The following SZT2 variants were observed in gnomAD, a reference collection of about 807,000 sequenced individuals.
SZT2 encodes KICSTOR complex protein SZT2.
Under a neutral mutation model 404.2 loss-of-function variants are expected in SZT2, and 216 were observed. That is an observed-to-expected ratio of 0.53 (90% confidence interval 0.48 to 0.60). The LOEUF (loss-of-function observed/expected upper bound fraction) is 0.60. SZT2 is among the 20% of genes least tolerant of loss of function. The pLI is 0.00. For missense variants in SZT2, 3,857 were observed against 4,459.2 expected, an observed-to-expected ratio of 0.86 and a Z score of 3.85; for synonymous variants, 1,693 against 1,749.9, an observed-to-expected ratio of 0.97 and a Z score of 0.81.
intron 1 of SZT2, among the ~76,000 whole-genome samples, chr1:43,391,895 A>ATTTTC (rs1648393315): frequency 3.9e-5 from 1 of 25,952 alleles, no homozygotes; most frequent in African/African-American, 1.7e-4. Context: ...TCCTGGCTAA[A>ATTTTC]ACGGTGAAAC....
intron 6 of SZT2, 74 bp downstream of exon 6, chr1:43,416,175 T>C (rs1651699995): frequency 1.9e-6 from 3 of 1,539,306 alleles, no homozygotes; most frequent in Non-Finnish European, 2.6e-6. Context: ...CTAACAAAGA[T>C]AGCAGTTCCA....
chr1:43,450,026 C>A lies in SZT2; in HGVS notation c.10087-77C>A. ...GTGTGGAGATGGAAGTAGGCCTCTCCTCATCCTCCCTTCACCTCAGGATGC... is the reference window on the plus strand; with the variant it reads ...GTGTGGAGATGGAAGTAGGCCTCTCATCATCCTCCCTTCACCTCAGGATGC... On this transcript the variant is annotated intron_variant, in intron 70 of 71. Coordinates refer to ENST00000634258, the MANE Select transcript of SZT2 (RefSeq NM_001365999.1). The surrounding 1 kb of genome is among the most constrained non-coding windows in gnomAD (Gnocchi z 4.3). 1 of 1,572,168 alleles carries A rather than the reference C, an allele frequency of 6.4e-7. No individual in the cohort carries two copies. Among genetic ancestry groups the A allele is most frequent in the Non-Finnish European group, 8.8e-7 (1 of 1,142,310 alleles).
chr1:43,415,651 A>C (rs1410466735), intron 5 of SZT2, among the ~76,000 whole-genome samples: 1 of 152,214 alleles, frequency 6.6e-6, no homozygotes, highest in Non-Finnish European at 1.5e-5. Context: ...ATTGAGGTAT[A>C]AAATATTTCA....
At chr1:43,435,414 G>C (rs1557578941) in intron 42 of SZT2, 85 bp downstream of exon 42, 1 of 1,484,700 alleles carries the variant, frequency 6.7e-7, no homozygotes, top group Non-Finnish European at 9.2e-7. Flanking sequence ...GCTGAGGGCA[G>C]AGTCCTCATT....
intron 46 of SZT2, 125 bp downstream of exon 46, chr1:43,438,027 CAT>C: frequency 1.1e-6 from 1 of 912,370 alleles, no homozygotes; most frequent in Non-Finnish European, 1.7e-6. Context: ...AGACCTGACA[CAT>C]GTTAAGTGAG....
intron 42 of SZT2, 43 bp downstream of exon 42, chr1:43,435,372 C>T (rs747184292): frequency 1.6e-5 from 26 of 1,608,028 alleles, no homozygotes; most frequent in Admixed American, 6.7e-5. Flanking sequence ...GCAGTGCTGC[C>T]GCCCTTTCTT....
intron 3 of SZT2, 93 bp downstream of exon 3, chr1:43,403,867 C>T: frequency 7.1e-7 from 1 of 1,407,144 alleles, no homozygotes; most frequent in South Asian, 1.2e-5. Context: ...TGGTCCCAGC[C>T]TACCATTTTG....
intron 1 of SZT2, among the ~76,000 whole-genome samples, chr1:43,398,412 C>T (rs1294152841): frequency 6.6e-6 from 1 of 152,156 alleles, no homozygotes; most frequent in East Asian, 1.9e-4. Flanking sequence ...GGATAGCCTT[C>T]CTATTCTGAT....
chr1:43,432,272 G>C lies in SZT2; in HGVS notation c.5275G>C (p.Glu1759Gln). The change falls in exon 37 of 72, where the codon GAG becomes CAG. Residue 1759 changes from glutamate (E) to glutamine (Q), a missense_variant and splice_region_variant. Glu to Gln is a conservative substitution (Grantham distance 29). Around this residue, in one of 7 missense-constraint regions of SZT2, gnomAD observed 1,725 missense variants for 1,881.0 expected, o/e 0.92. Transcript: ENST00000634258. ...TGTGATCTTGGCTCCTGCTCTCTAGGAGTTCCGCCGCCTCCATCTCCCTGG... is the reference window on the plus strand; with the variant it reads ...TGTGATCTTGGCTCCTGCTCTCTAGCAGTTCCGCCGCCTCCATCTCCCTGG... ...PERSLTQFKE[E>Q]FRRLHLPGHV... 2 of 1,547,854 alleles carry C rather than the reference G, an allele frequency of 1.3e-6. No homozygotes were observed. The highest frequency in any genetic ancestry group is 1.7e-6 in the Non-Finnish European group (2 of 1,150,086).
At position 43,420,103 on chromosome 1, in the gene SZT2, C is replaced by G. The variant is rs763463744; in HGVS notation, c.1091-50C>G. 1.3e-6 allele frequency: 2 copies of G among 1,589,430 alleles called. No individual in the cohort carries two copies. Among genetic ancestry groups the G allele is most frequent in the Admixed American group, 1.7e-5 (1 of 59,660 alleles). The stretch of plus-strand genomic sequence containing the variant: ...TAGCCCCTTCCCCCTACAGATCTGT[C>G]AGTTGGCAGATAACCAGTTTCTCCT... On this transcript the variant is annotated intron_variant, in intron 8 of 71. Transcript: ENST00000634258. This position sits in a 1 kb window ranked among gnomAD's most constrained non-coding sequence, Gnocchi z 5.1.
In SZT2 at chr1:43,424,161, G is replaced by A; in HGVS notation, c.2256-56G>A. ...CTGTGAGTGGTACAGAGGTGTGGAA[G>A]GGCGTGGCTTAGCCGGGGATGAGAG... On this transcript the variant is annotated intron_variant, in intron 15 of 71. Transcript: ENST00000634258. This position sits in a 1 kb window ranked among gnomAD's most constrained non-coding sequence, Gnocchi z 4.1. 6.8e-7 allele frequency: 1 copy of A among 1,461,784 alleles called. No homozygotes were observed. The allele number at this position is 1,461,784 out of a possible 1,614,324, so 90.6% of individuals were successfully genotyped here.
intron 12 of SZT2, 102 bp downstream of exon 12, chr1:43,422,327 T>C: frequency 6.7e-7 from 1 of 1,496,286 alleles, no homozygotes; most frequent in Non-Finnish European, 8.9e-7. Context: ...TTACCAACTG[T>C]GGCCAAGGAA....
At position 43,429,302 on chromosome 1, in the gene SZT2, G is replaced by GCGGGAGGATCACTTGAGCC. The variant is rs574258041; in HGVS notation, c.4167-399_4167-381dup. The GCGGGAGGATCACTTGAGCC allele has an allele frequency of 2.0e-4, 36 of 180,740 alleles. No homozygotes were observed. The South Asian group carries it at 4.3e-3, about 21-fold the overall frequency. The allele number at this position is 180,740 out of a possible 1,614,324, so 11.2% of individuals were successfully genotyped here. On this transcript the variant is annotated intron_variant, in intron 28 of 71. Transcript: ENST00000634258. The stretch of plus-strand genomic sequence containing the variant: ...AATCCCAACACTTTGGGAGGCTGAG[G>GCGGGAGGATCACTTGAGCC]CGGGAGGATCACTTGAGCCCAGGAG...
At chr1:43,436,199 C>T (rs960264513) in intron 42 of SZT2, 1 of 152,198 alleles carries the variant, frequency 6.6e-6, no homozygotes, top group East Asian at 1.9e-4. Context: ...AAAGTAAAAT[C>T]AGACCACTCC....
Position 43,434,411 on chromosome 1 carries a change from C to G in SZT2, c.5830C>G (p.Pro1944Ala). 1 of 1,597,120 alleles carries G rather than the reference C, an allele frequency of 6.3e-7. No individual in the cohort carries two copies. Among genetic ancestry groups the G allele is most frequent in the Admixed American group, 1.8e-5 (1 of 56,492 alleles). ...ARSLIREDGG[P>A]GTECRHLQQL... The stretch of plus-strand genomic sequence containing the variant: ...GAGCCTGATTCGGGAGGATGGGGGG[C>G]CGGGCACTGAGTGTCGCCACCTGCA... The change falls in exon 41 of 72, where the codon CCG becomes GCG. Residue 1944 changes from proline to alanine, a missense_variant. Pro to Ala is a conservative substitution (Grantham distance 27). Coordinates refer to ENST00000634258, the MANE Select transcript of SZT2 (RefSeq NM_001365999.1).
At chr1:43,394,155 A>G (rs1268177941) in intron 1 of SZT2, 4 of 871,580 alleles carry the variant, frequency 4.6e-6, no homozygotes, top group Non-Finnish European at 5.5e-6. Flanking sequence ...GTTAATGTGG[A>G]AGAATCACTT....
chr1:43,452,851 A>C lies in SZT2; in HGVS notation c.*2371A>C. 1 of 1,549,358 alleles carries C rather than the reference A, an allele frequency of 6.5e-7. No homozygotes were observed. Among genetic ancestry groups the C allele is most frequent in the Non-Finnish European group, 8.7e-7 (1 of 1,143,784 alleles). On this transcript the variant is annotated 3_prime_UTR_variant, in exon 72 of 72. Coordinates refer to ENST00000634258, the MANE Select transcript of SZT2 (RefSeq NM_001365999.1). ...CCCATCATCCCCTGATCTTAGCCAC[A>C]TCCAGCTCCAAGCAGACATTCCAGG... is the stretch of plus-strand genomic sequence containing the variant.
At chr1:43,403,462 A>C in intron 2 of SZT2, 139 bp from the exon 3 acceptor site, 1 of 1,389,900 alleles carries the variant, frequency 7.2e-7, no homozygotes. Flanking sequence ...TAATTTTTCC[A>C]GAGAGTGAGA....
chr1:43,442,922 G>A lies in SZT2; in HGVS notation c.8255G>A (p.Arg2752His), dbSNP rs150591561. 4.3e-4 allele frequency: 697 copies of A among 1,614,106 alleles called. 8 individuals are homozygous for A. In the South Asian group the frequency reaches 5.2e-3, roughly 12 times the overall value. The change falls in exon 59 of 72, where the codon CGT becomes CAT. Residue 2752 changes from arginine to histidine, a missense_variant. This residue lies in a region of SZT2 where 573 missense variants were observed against 592.4 expected (regional missense o/e 0.97). Coordinates refer to ENST00000634258, the MANE Select transcript of SZT2 (RefSeq NM_001365999.1). This position sits in a 1 kb window ranked among gnomAD's most constrained non-coding sequence, Gnocchi z 4.5. The part of the protein sequence containing the change: ...REQGRLSGSS[R>H]GGGPLPLDTF... ...CAGGGCCGACTGAGTGGGTCCTCTCGTGGTGGGGGTCCTCTTCCCCTGGAC... is the reference window on the plus strand; with the variant it reads ...CAGGGCCGACTGAGTGGGTCCTCTCATGGTGGGGGTCCTCTTCCCCTGGAC...
Sources: allele counts gnomAD v4.1 joint callset (sites outside exome capture counted in the v4.1 genomes callset), GRCh38; gene constraint gnomAD v4.1.1; regional missense constraint gnomAD v4.1.1; non-coding constraint Gnocchi (gnomAD v3.1); transcripts MANE v1.5; gene names NCBI Gene and HGNC (gene_info 2026-07-23, HGNC 2026-07-21).